The following PLK4 variants were observed in gnomAD, a reference collection of about 807,000 sequenced individuals.
PLK4 encodes the protein polo like kinase 4, also known as serine/threonine-protein kinase PLK4.
Under a neutral mutation model 103.0 loss-of-function variants are expected in PLK4, and 51 were observed. The ratio of observed to expected loss-of-function variants is 0.50; its 90% CI spans 0.40 to 0.63. The LOEUF is 0.63. Among genes scored for constraint, PLK4 ranks in the 20% least tolerant of loss-of-function variants. The pLI, the probability that PLK4 is intolerant of heterozygous loss-of-function variation, is 0.00. For missense variants in PLK4, 1,054 were observed against 1,151.0 expected (o/e 0.92, Z 1.22); for synonymous variants, 389 against 376.8 (o/e 1.03, Z -0.38).
chr4:127,886,843 C>A (rs1394683509), intron 5 of PLK4, 115 bp downstream of exon 5: 2 of 608,470 alleles, frequency 3.3e-6, no homozygotes, highest in Non-Finnish European at 5.6e-6. Context: ...AAAAAAAAAA[C>A]CACTGTCATG....
At position 127,885,978 on chromosome 4, in the gene PLK4, C is replaced by T; in HGVS notation, c.608C>T (p.Thr203Ile). 1.2e-6 allele frequency: 2 copies of T among 1,614,194 alleles called. No homozygotes were observed. Among genetic ancestry groups the T allele is most frequent in the Non-Finnish European group, 1.7e-6 (2 of 1,180,004 alleles). Reference protein sequence around the residue: ...DVWSLGCMFYTLLIGRPPFDT... With the variant: ...DVWSLGCMFYILLIGRPPFDT... ...TGGTCCCTGGGCTGTATGTTTTATA[C>T]ATTACTTATCGGGAGACCACCCTTC... Residue 203 changes from threonine (T) to isoleucine (I), a missense_variant, in exon 5 of 16, where the codon ACA (threonine) becomes ATA (isoleucine). Thr to Ile is a moderately conservative substitution (Grantham distance 89, BLOSUM62 -1). Around this residue, in one of 4 missense-constraint regions of PLK4, gnomAD observed 199 missense variants for 270.1 expected, o/e 0.74. Transcript: ENST00000270861.
intron 4 of PLK4, among the ~76,000 whole-genome samples, chr4:127,885,189 A>G (rs1735071232): frequency 6.6e-6 from 1 of 151,908 alleles, no homozygotes; most frequent in Admixed American, 6.6e-5. Context: ...CTTAAAGGTT[A>G]ATATGATAGG....
rs765094809 is a variant in PLK4 at position 127,889,894 on chromosome 4, C to G, written c.1488C>G (p.Asp496Glu). ...ATTTAAGAAAAACTACTGAATATGACAGCATCAGCCCAAACCGGGACTTCC... is the reference window on the plus strand; with the variant it reads ...ATTTAAGAAAAACTACTGAATATGAGAGCATCAGCCCAAACCGGGACTTCC... ...NAHLRKTTEYDSISPNRDFQG... is the reference protein window; with the variant it reads ...NAHLRKTTEYESISPNRDFQG... The change falls in exon 7 of 16, where the codon GAC becomes GAG. Residue 496 changes from aspartate (D) to glutamate (E), a missense_variant. This residue lies in a region of PLK4 where 680 missense variants were observed against 660.3 expected (regional missense o/e 1.03). Transcript: ENST00000270861. 2 of 1,607,640 alleles carry G rather than the reference C, an allele frequency of 1.2e-6. No homozygotes were observed. Among genetic ancestry groups the G allele is most frequent in the Non-Finnish European group, 1.7e-6 (2 of 1,177,580 alleles).
chr4:127,885,581 T>C (rs1578753764), intron 4 of PLK4, 127 bp from the exon 5 acceptor site: 1 of 696,208 alleles, frequency 1.4e-6, no homozygotes. Flanking sequence ...AAATCTAAGC[T>C]CCAAGCCACT....
At chr4:127,881,242 G>T in intron 1 of PLK4, 78 bp downstream of exon 1, 1 of 1,606,272 alleles carries the variant, frequency 6.2e-7, no homozygotes. Context: ...GGGAAGGGGA[G>T]CGAACGAAGC....
Position 127,886,342 on chromosome 4 carries a change from A to G in PLK4, c.972A>G (p.Val324=), listed in dbSNP as rs1411211661. 2 of 1,613,740 alleles carry G rather than the reference A, an allele frequency of 1.2e-6. No individual in the cohort carries two copies. The highest frequency in any genetic ancestry group is 1.7e-6 in the Non-Finnish European group (2 of 1,179,928). The part of the protein sequence containing the change: ...IGQPLPNKMT[V]FPKNKSSTDF... ...AGCCACTCCCAAATAAAATGACTGT[A>G]TTTCCAAAGAATAAAAGTTCAACTG... Residue 324 remains valine, a synonymous_variant, in exon 5 of 16, where the codon GTA becomes GTG. Coordinates refer to ENST00000270861, the MANE Select transcript of PLK4 (RefSeq NM_014264.5).
intron 7 of PLK4, among the ~76,000 whole-genome samples, chr4:127,890,671 G>T (rs1735322002): frequency 6.6e-6 from 1 of 151,914 alleles, no homozygotes; most frequent in Non-Finnish European, 1.5e-5. Context: ...CTAAAGAAAA[G>T]GCATATACAC....
chr4:127,881,742 C>T (rs1734937359), intron 1 of PLK4, 89 bp from the exon 2 acceptor site: 1 of 801,720 alleles, frequency 1.2e-6, no homozygotes. Flanking sequence ...ATTCCCCACT[C>T]GATCCATTTT....
intron 9 of PLK4, 50 bp from the exon 10 acceptor site, chr4:127,892,315 A>G: frequency 1.7e-6 from 2 of 1,182,336 alleles, no homozygotes; most frequent in Non-Finnish European, 1.2e-6. Flanking sequence ...ATAAAACTGT[A>G]TGTCAGGTCA....
Position 127,893,336 on chromosome 4 carries a change from G to A in PLK4, c.2240G>A (p.Gly747Glu), listed in dbSNP as rs1007983511. The A allele has an allele frequency of 3.1e-6, 5 of 1,601,292 alleles. No homozygotes were observed. Among genetic ancestry groups the A allele is most frequent in the Middle Eastern group, 1.7e-4 (1 of 5,998 alleles). Residue 747 changes from glycine to glutamate, a missense_variant, in exon 11 of 16, where the codon GGG becomes GAG. Physicochemically the swap from Gly to Glu is moderately conservative, Grantham distance 98. Coordinates refer to ENST00000270861, the MANE Select transcript of PLK4 (RefSeq NM_014264.5). ...EDFIQVIEKTGKSYTLKSESE... is the reference protein window; with the variant it reads ...EDFIQVIEKTEKSYTLKSESE... ...TTCATTCAGGTGATTGAAAAGACAG[G>A]GAAGTCTTACACTTTAAAAAGTGAA... is the stretch of plus-strand genomic sequence containing the variant.
intron 15 of PLK4, among the ~76,000 whole-genome samples, chr4:127,897,999 T>C (rs957389145): frequency 6.6e-6 from 1 of 151,716 alleles, no homozygotes; most frequent in Non-Finnish European, 1.5e-5. Flanking sequence ...CCACCACACC[T>C]GGCTAATTTT....
chr4:127,891,081 T>C lies in PLK4; in HGVS notation c.1831-11T>C, dbSNP rs538541526. On this transcript the variant is annotated splice_polypyrimidine_tract_variant and intron_variant, in intron 7 of 15. Coordinates refer to ENST00000270861, the MANE Select transcript of PLK4 (RefSeq NM_014264.5). ...GAATTATTACTGATTTTGGGTTTTT[T>C]TTTTTTTTAGGTGAGCATACTTGAT... 22 of 1,498,876 alleles carry C rather than the reference T, an allele frequency of 1.5e-5. No individual in the cohort carries two copies. In the African/African-American group the frequency reaches 2.8e-4, roughly 19 times the overall value. 92.8% of individuals were successfully genotyped at this position (1,498,876 alleles called of 1,614,324 possible). A position where few individuals can be genotyped will look rare whatever the true frequency, so the allele number is the denominator to read the frequency against.
intron 2 of PLK4, 113 bp from the exon 3 acceptor site, chr4:127,883,149 C>T: frequency 6.5e-6 from 4 of 614,338 alleles, no homozygotes; most frequent in Middle Eastern, 4.4e-4. Flanking sequence ...AGGTTGACCA[C>T]AAAGACGTAT....
At position 127,886,503 on chromosome 4, in the gene PLK4, C is replaced by T; in HGVS notation, c.1133C>T (p.Ser378Phe). 1 of 1,613,702 alleles carries T rather than the reference C, an allele frequency of 6.2e-7. No homozygotes were observed. The change falls in exon 5 of 16, where the codon TCC (serine) becomes TTC (phenylalanine). Residue 378 changes from serine to phenylalanine, a missense_variant. Ser to Phe is a radical substitution (Grantham distance 155). This residue lies in a region of PLK4 where 680 missense variants were observed against 660.3 expected (regional missense o/e 1.03). Transcript: ENST00000270861. The part of the protein sequence containing the change: ...PHSRYLRRAY[S>F]SDRSGTSNSQ... ...TCTCGATACCTTCGTAGAGCTTATT[C>T]CTCTGATAGATCTGGCACTTCTAAT...
Position 127,886,301 on chromosome 4 carries a change from A to G in PLK4, c.931A>G (p.Arg311Gly). 2 of 1,613,990 alleles carry G rather than the reference A, an allele frequency of 1.2e-6. No individual in the cohort carries two copies. Among genetic ancestry groups the G allele is most frequent in the Non-Finnish European group, 1.7e-6 (2 of 1,179,912 alleles). ...SISGSLFDKR[R>G]LLIGQPLPNK... ...AAGTGGTAGTTTATTTGACAAAAGA[A>G]GACTTTTGATTGGTCAGCCACTCCC... The change falls in exon 5 of 16, where the codon AGA becomes GGA. Residue 311 changes from arginine (R) to glycine (G), a missense_variant. Around this residue, in one of 4 missense-constraint regions of PLK4, gnomAD observed 680 missense variants for 660.3 expected, o/e 1.03. Transcript: ENST00000270861.
chr4:127,886,874 G>A, intron 5 of PLK4, 146 bp downstream of exon 5: 1 of 573,522 alleles, frequency 1.7e-6, no homozygotes, highest in Non-Finnish European at 3.0e-6. Context: ...GTGGTTAACA[G>A]TCTTAACAGG....
chr4:127,886,283 A>G lies in PLK4; in HGVS notation c.913A>G (p.Ser305Gly), dbSNP rs1269004790. 4 of 1,613,740 alleles carry G rather than the reference A, an allele frequency of 2.5e-6. No individual in the cohort carries two copies. Among genetic ancestry groups the G allele is most frequent in the African/African-American group, 1.3e-5 (1 of 74,930 alleles). The change falls in exon 5 of 16, where the codon AGT becomes GGT. Residue 305 changes from serine to glycine, a missense_variant. Transcript: ENST00000270861. ...TASSSTSISG[S>G]LFDKRRLLIG... ...TTCTTCCAGTACCAGTATAAGTGGT[A>G]GTTTATTTGACAAAAGAAGACTTTT...
Position 127,886,322 on chromosome 4 carries a change from C to T in PLK4, c.952C>T (p.Leu318Phe). Residue 318 changes from leucine (L) to phenylalanine (F), a missense_variant, in exon 5 of 16, where the codon CTC becomes TTC. By Grantham distance (22) the Leu-to-Phe change is conservative. Around this residue, in one of 4 missense-constraint regions of PLK4, gnomAD observed 680 missense variants for 660.3 expected, o/e 1.03. Coordinates refer to ENST00000270861, the MANE Select transcript of PLK4 (RefSeq NM_014264.5). ...AAGAAGACTTTTGATTGGTCAGCCACTCCCAAATAAAATGACTGTATTTCC... is the reference window on the plus strand; with the variant it reads ...AAGAAGACTTTTGATTGGTCAGCCATTCCCAAATAAAATGACTGTATTTCC... ...DKRRLLIGQP[L>F]PNKMTVFPKN... 2 of 1,613,798 alleles carry T rather than the reference C, an allele frequency of 1.2e-6. No homozygotes were observed. The highest frequency in any genetic ancestry group is 4.5e-5 in the East Asian group (2 of 44,880).
chr4:127,897,152 T>C (rs1220596559), intron 15 of PLK4, among the ~76,000 whole-genome samples: 3 of 152,204 alleles, frequency 2.0e-5, no homozygotes, highest in Non-Finnish European at 4.4e-5. Flanking sequence ...CTTGTAGCCT[T>C]ACTGTTCCAT....
Sources: gnomAD v4.1 joint callset for allele counts (sites outside exome capture counted in the v4.1 genomes callset) on GRCh38, gnomAD v4.1.1 for gene constraint, gnomAD v4.1.1 regional missense constraint, MANE v1.5 for transcripts, NCBI Gene and HGNC (gene_info 2026-07-23, HGNC 2026-07-21) for gene names.